Variants in FBXO31 observed in about 807,000 individuals in gnomAD.
The protein encoded by FBXO31 is F-box protein 31, also known as F-box only protein 31.
FBXO31 carries 24 observed loss-of-function variants against 54.4 expected under a neutral mutation model. The ratio of observed to expected loss-of-function variants is 0.44; its 90% CI spans 0.32 to 0.62. The LOEUF is 0.62. Ranked by LOEUF, FBXO31 falls within the 20% of genes least tolerant of loss-of-function variation. The probability of loss-of-function intolerance (pLI) is 0.05; values close to 1 mark genes in which losing one functional copy is unlikely to be tolerated. For synonymous variants in FBXO31, 388 were observed against 335.6 expected, an observed-to-expected ratio of 1.16 and a Z score of -1.71; for missense variants, 665 against 787.1, an observed-to-expected ratio of 0.84 and a Z score of 1.86.
chr16:87,370,731 G>A (rs1299930693), intron 1 of FBXO31, among the ~76,000 whole-genome samples: 1 of 152,308 alleles, frequency 6.6e-6, no homozygotes, highest in Middle Eastern at 3.4e-3. Flanking sequence ...GCCAGGAGCA[G>A]AGGGGGCGGC....
intron 2 of FBXO31, among the ~76,000 whole-genome samples, chr16:87,352,562 C>T (rs1007958827): frequency 2.0e-5 from 3 of 152,134 alleles, no homozygotes; most frequent in African/African-American, 7.2e-5. Context: ...CTGTTCAGGT[C>T]CAGCCCGGAG....
intron 5 of FBXO31, among the ~76,000 whole-genome samples, chr16:87,337,101 C>T (rs973410930): frequency 2.5e-4 from 38 of 152,324 alleles, no homozygotes; most frequent in African/African-American, 8.7e-4. Context: ...GAGCACCTGG[C>T]AGGACCACAT....
At chr16:87,381,771 TC>T (rs1163723601) in intron 1 of FBXO31, among the ~76,000 whole-genome samples, 2 of 152,088 alleles carry the variant, frequency 1.3e-5, no homozygotes, top group African/African-American at 2.4e-5. Context: ...GCGCCTGTAA[TC>T]CCAACACTTT....
At chr16:87,362,684 C>T (rs922542399) in intron 1 of FBXO31, 1 of 152,396 alleles carries the variant, frequency 6.6e-6, no homozygotes, top group Admixed American at 6.5e-5. Flanking sequence ...CCTCACCCTC[C>T]TGAGTAGCTG....
At chr16:87,369,828 C>G (rs1386615494) in intron 1 of FBXO31, among the ~76,000 whole-genome samples, 1 of 151,946 alleles carries the variant, frequency 6.6e-6, no homozygotes, top group Non-Finnish European at 1.5e-5. Flanking sequence ...AGCCAGGCGA[C>G]AGACTGAGAC....
rs1340676900 is a variant in FBXO31, at chr16:87,346,637, G to A, written c.489+537C>T. 6.6e-6 allele frequency among the ~76,000 whole-genome samples: 1 copy of A among 152,212 alleles called. No homozygotes were observed. The highest frequency in any genetic ancestry group is 2.4e-5 in the African/African-American group (1 of 41,460). On this transcript the variant is annotated intron_variant, in intron 3 of 8. Transcript: ENST00000311635. This position sits in a 1 kb window ranked among gnomAD's most constrained non-coding sequence, Gnocchi z 4.2. ...CTGCCACCAGCCTGGACTTCCGCCTGCAACGTTCTAGCACTTTCTAGCAGG... is the reference window on the plus strand; with the variant it reads ...CTGCCACCAGCCTGGACTTCCGCCTACAACGTTCTAGCACTTTCTAGCAGG...
intron 1 of FBXO31, among the ~76,000 whole-genome samples, chr16:87,370,999 G>A (rs1035630008): frequency 1.3e-4 from 20 of 152,236 alleles, no homozygotes; most frequent in Non-Finnish European, 2.5e-4. Flanking sequence ...ACTGCGGCCC[G>A]GCACTCCCCA....
In FBXO31 at chr16:87,365,010, AATATATATATATATAT is replaced by A. The variant is rs55746745; in HGVS notation, c.341-4660_341-4645del. Among the ~76,000 whole-genome samples, 30 of 47,680 alleles carry A rather than the reference AATATATATATATATAT, an allele frequency of 6.3e-4. 4 individuals carry two copies. The highest frequency in any genetic ancestry group is 2.9e-3 in the South Asian group (2 of 682). The allele number at this position is 47,680 out of a possible 152,430, so 31.3% of individuals were successfully genotyped here. A position where few individuals can be genotyped will look rare whatever the true frequency, so the allele number is the denominator to read the frequency against. ...TGACAGAGCGAGACCCCGTCTCTTAAATATATATATATATATATATATATATATATCAGGCAGGCCA... is the reference window on the plus strand; with the variant it reads ...TGACAGAGCGAGACCCCGTCTCTTAAATATATATATATATCAGGCAGGCCA... On this transcript the variant is annotated intron_variant, in intron 1 of 8. Transcript: ENST00000311635.
At chr16:87,382,402 TA>T (rs1354350225) in intron 1 of FBXO31, among the ~76,000 whole-genome samples, 1 of 152,262 alleles carries the variant, frequency 6.6e-6, no homozygotes, top group Non-Finnish European at 1.5e-5. Flanking sequence ...GGATGTTTTC[TA>T]ACCTGTCCTT....
chr16:87,368,011 T>C (rs902392257), intron 1 of FBXO31: 14 of 152,212 alleles, frequency 9.2e-5, no homozygotes, highest in South Asian at 4.1e-4. Context: ...CCAAGGTTTT[T>C]AGCTAGGATA....
intron 1 of FBXO31, among the ~76,000 whole-genome samples, chr16:87,366,246 C>G (rs74038754): frequency 0.048 from 7,354 of 152,234 alleles, 617 homozygotes; most frequent in African/African-American, 0.17. Flanking sequence ...GGTTTGTTAA[C>G]TGTGACAAAT....
chr16:87,343,796 G>C, intron 3 of FBXO31, 31 bp from the exon 4 acceptor site: 3 of 1,612,550 alleles, frequency 1.9e-6, no homozygotes, highest in Non-Finnish European at 2.5e-6. Context: ...AGGTCCATGA[G>C]TGGCTCCCGG....
At chr16:87,365,010 A>AATAAATATATATATATATAT (rs1906294219) in intron 1 of FBXO31, among the ~76,000 whole-genome samples, 1 of 47,684 alleles carries the variant, frequency 2.1e-5, no homozygotes, top group African/African-American at 1.0e-4. Flanking sequence ...CCGTCTCTTA[A>AATAAATATATATATATATAT]ATATATATAT....
At chr16:87,340,695 T>C (rs536193412) in intron 5 of FBXO31, among the ~76,000 whole-genome samples, 3 of 152,178 alleles carry the variant, frequency 2.0e-5, no homozygotes, top group African/African-American at 7.2e-5. Context: ...TGGTGGCTCA[T>C]GCCTGTAGCC....
intron 5 of FBXO31, among the ~76,000 whole-genome samples, chr16:87,340,030 C>G (rs1046853361): frequency 6.6e-6 from 1 of 152,202 alleles, no homozygotes; most frequent in Non-Finnish European, 1.5e-5. Context: ...CGCCTGTAAT[C>G]CCAGCACTTT....
chr16:87,383,804 G>A, upstream of FBXO31: 3 of 1,119,770 alleles, frequency 2.7e-6, no homozygotes, highest in Non-Finnish European at 3.3e-6. This position sits in a 1 kb window ranked among gnomAD's most constrained non-coding sequence, Gnocchi z 4.9. Flanking sequence ...GCCCCGCCCC[G>A]CCAGCGCCGA....
At chr16:87,384,073 C>G (rs1907232392), upstream of FBXO31, 2 of 167,186 alleles carry the variant, frequency 1.2e-5, no homozygotes, top group South Asian at 2.0e-4. Flanking sequence ...GACTGACGCG[C>G]TGCCTACTGC....
At chr16:87,382,477 G>C (rs1323249985) in intron 1 of FBXO31, among the ~76,000 whole-genome samples, 1 of 152,100 alleles carries the variant, frequency 6.6e-6, no homozygotes, top group African/African-American at 2.4e-5. Context: ...AGAGAGCCTT[G>C]AACTCCAGAT....
rs1253383174 is a variant in FBXO31, at chr16:87,358,716, A to G, written c.412+1579T>C. 6.6e-6 allele frequency among the ~76,000 whole-genome samples: 1 copy of G among 152,094 alleles called. No individual in the cohort carries two copies. Among genetic ancestry groups the G allele is most frequent in the Admixed American group, 6.5e-5 (1 of 15,276 alleles). The stretch of plus-strand genomic sequence containing the variant: ...CCATCAGTGGTGCCACCAGAAACTC[A>G]CGGTGGCAGCAAGCTTGGAAATCCT... On this transcript the variant is annotated intron_variant, in intron 2 of 8. Coordinates refer to ENST00000311635, the MANE Select transcript of FBXO31 (RefSeq NM_024735.5). The surrounding 1 kb of genome is among the most constrained non-coding windows in gnomAD (Gnocchi z 4.0).
Sources: gnomAD v4.1 joint callset for allele counts (sites outside exome capture counted in the v4.1 genomes callset) on GRCh38, gnomAD v4.1.1 for gene constraint, Gnocchi (gnomAD v3.1) non-coding constraint, MANE v1.5 for transcripts, NCBI Gene and HGNC (gene_info 2026-07-23, HGNC 2026-07-21) for gene names.